CTNND2: variants seen among roughly 807,000 people sequenced by gnomAD.
CTNND2 encodes the protein catenin delta 2.
In CTNND2, 22 loss-of-function variants were observed where a neutral mutation model predicts 144.4. The observed-to-expected ratio is 0.15, with a 90% CI of 0.11 to 0.22. The LOEUF (loss-of-function observed/expected upper bound fraction) is 0.22, where lower values mean the gene tolerates loss of function less well. Ranked by LOEUF, CTNND2 falls within the 10% of genes least tolerant of loss-of-function variation. The pLI is 1.00. For synonymous variants in CTNND2, 751 were observed against 695.6 expected, an observed-to-expected ratio of 1.08 and a Z score of -1.25; for missense variants, 1,353 against 1,618.8, an observed-to-expected ratio of 0.84 and a Z score of 2.82.
chr5:11,011,284 G>A (rs970642669), intron 18 of CTNND2, among the ~76,000 whole-genome samples: 1 of 152,174 alleles, frequency 6.6e-6, no homozygotes, highest in Admixed American at 6.5e-5. Flanking sequence ...TGTGATCTCT[G>A]CTCAATGCAG....
At chr5:11,759,434 T>C (rs1789132879) in intron 1 of CTNND2, among the ~76,000 whole-genome samples, 1 of 152,124 alleles carries the variant, frequency 6.6e-6, no homozygotes, top group African/African-American at 2.4e-5. Context: ...TAAATCAATA[T>C]GATGTTTCTT....
intron 2 of CTNND2, among the ~76,000 whole-genome samples, chr5:11,630,529 A>G (rs567593344): frequency 5.9e-5 from 9 of 152,176 alleles, no homozygotes; most frequent in Non-Finnish European, 1.3e-4. Context: ...AGAAATTACT[A>G]AGAAGAATTC....
intron 6 of CTNND2, among the ~76,000 whole-genome samples, chr5:11,393,139 G>T (rs1168269480): frequency 6.6e-6 from 1 of 152,174 alleles, no homozygotes; most frequent in African/African-American, 2.4e-5. Context: ...TTAAGACATA[G>T]AAGTCAGCAC....
At chr5:11,303,655 T>C in intron 9 of CTNND2, among the ~76,000 whole-genome samples, 1 of 152,220 alleles carries the variant, frequency 6.6e-6, no homozygotes, top group East Asian at 1.9e-4. Context: ...AGACATAGAT[T>C]TCTCCTGGTG....
intron 11 of CTNND2, among the ~76,000 whole-genome samples, chr5:11,168,119 A>G (rs1311305211): frequency 1.3e-5 from 2 of 152,166 alleles, no homozygotes; most frequent in East Asian, 3.8e-4. Context: ...TAATTGACTG[A>G]TTTTTTTAAA....
chr5:11,021,001 G>C (rs1163104017), intron 17 of CTNND2, among the ~76,000 whole-genome samples: 3 of 152,126 alleles, frequency 2.0e-5, no homozygotes, highest in Admixed American at 1.3e-4. Context: ...AATCAAGATT[G>C]GACCTGGCTT....
At chr5:10,991,919 T>G (rs568004732) in intron 19 of CTNND2, among the ~76,000 whole-genome samples, 2 of 152,348 alleles carry the variant, frequency 1.3e-5, no homozygotes, top group South Asian at 4.1e-4. Context: ...TTTATTTTAT[T>G]TATTTATTTA....
intron 3 of CTNND2, among the ~76,000 whole-genome samples, chr5:11,506,091 C>T (rs25933): frequency 0.24 from 36,483 of 152,068 alleles, 6,666 homozygotes; most frequent in African/African-American, 0.52. Flanking sequence ...TGGCCACTGA[C>T]GGAGGCTCAG....
chr5:11,041,143 C>A (rs1421278505), intron 16 of CTNND2, among the ~76,000 whole-genome samples: 2 of 152,164 alleles, frequency 1.3e-5, no homozygotes, highest in Non-Finnish European at 2.9e-5. Flanking sequence ...TAATCACATT[C>A]CCTCATTCTT....
At chr5:11,628,857 C>T (rs1781282402) in intron 2 of CTNND2, among the ~76,000 whole-genome samples, 3 of 151,910 alleles carry the variant, frequency 2.0e-5, no homozygotes, top group Non-Finnish European at 4.4e-5. Flanking sequence ...GCACAGAGAA[C>T]GGCAGATGCA....
chr5:11,459,180 TTTG>T (rs1291382546), intron 3 of CTNND2, among the ~76,000 whole-genome samples: 1 of 152,168 alleles, frequency 6.6e-6, no homozygotes, highest in East Asian at 1.9e-4. Context: ...ATTACAAGTT[TTTG>T]TTATTATTGT....
intron 3 of CTNND2, among the ~76,000 whole-genome samples, chr5:11,464,220 C>T (rs369882667): frequency 2.0e-5 from 3 of 151,978 alleles, no homozygotes; most frequent in African/African-American, 7.3e-5. Flanking sequence ...TTGGGTGAGA[C>T]AGATAAACAA....
At chr5:11,098,136 C>A (rs1751535634) in intron 15 of CTNND2, among the ~76,000 whole-genome samples, 1 of 151,114 alleles carries the variant, frequency 6.6e-6, no homozygotes, top group East Asian at 2.2e-4. Context: ...GGGTTCTTTT[C>A]TTTTCTTTTC....
intron 11 of CTNND2, 97 bp downstream of exon 11, chr5:11,199,351 C>T (rs974427340): frequency 6.2e-5 from 68 of 1,101,488 alleles, no homozygotes; most frequent in South Asian, 1.3e-4. Context: ...GTTATTAGAA[C>T]ACCACAATAT....
In CTNND2 at chr5:11,026,886, G is replaced by C. The variant is rs560251657; in HGVS notation, c.2789-3907C>G. The stretch of plus-strand genomic sequence containing the variant: ...CAGGGAAATGTTGAGGTAATGCAGG[G>C]AAACAGGATTCAGAGATTTCACGCG... On this transcript the variant is annotated intron_variant, in intron 16 of 21. Coordinates refer to ENST00000304623, the MANE Select transcript of CTNND2 (RefSeq NM_001332.4). Among the ~76,000 whole-genome samples, 8 of 152,262 alleles carry C rather than the reference G, an allele frequency of 5.3e-5. No individual in the cohort carries two copies. In the South Asian group the frequency reaches 1.7e-3, roughly 32 times the overall value.
intron 14 of CTNND2, among the ~76,000 whole-genome samples, chr5:11,098,997 A>G (rs1031555907): frequency 6.6e-6 from 1 of 152,128 alleles, no homozygotes; most frequent in Non-Finnish European, 1.5e-5. Context: ...TGTAACTGGC[A>G]GAAGAAGTGG....
chr5:11,291,716 C>T (rs150369928), intron 9 of CTNND2, among the ~76,000 whole-genome samples: 19 of 152,134 alleles, frequency 1.2e-4, no homozygotes, highest in African/African-American at 4.6e-4. Context: ...AGCTTTATGA[C>T]TTAGCTCCCC....
chr5:11,409,377 T>C (rs995092846), intron 5 of CTNND2, among the ~76,000 whole-genome samples: 4 of 152,070 alleles, frequency 2.6e-5, no homozygotes, highest in Non-Finnish European at 2.9e-5. Context: ...AACAAACATA[T>C]ACTATCATGC....
chr5:10,984,366 G>A (rs1579947294), intron 20 of CTNND2, among the ~76,000 whole-genome samples: 2 of 152,348 alleles, frequency 1.3e-5, no homozygotes, highest in East Asian at 1.9e-4. Flanking sequence ...GATAGAAAAT[G>A]TCACTTGAGG....
Sources: gnomAD v4.1 joint callset for allele counts (sites outside exome capture counted in the v4.1 genomes callset) on GRCh38, gnomAD v4.1.1 for gene constraint, MANE v1.5 for transcripts, NCBI Gene and HGNC (gene_info 2026-07-23, HGNC 2026-07-21) for gene names.